DSCAM: variants seen among roughly 807,000 people sequenced by gnomAD.
The protein encoded by DSCAM is DS cell adhesion molecule, also known as cell adhesion molecule DSCAM.
Under a neutral mutation model 217.7 loss-of-function variants are expected in DSCAM, and 47 were observed. The ratio of observed to expected loss-of-function variants is 0.22; its 90% CI spans 0.17 to 0.28. The LOEUF is 0.28. DSCAM is among the 10% of genes least tolerant of loss of function. The pLI is 1.00. For missense variants in DSCAM, 2,080 were observed against 2,618.3 expected, an observed-to-expected ratio of 0.79 and a Z score of 4.49; for synonymous variants, 1,056 against 1,015.3, an observed-to-expected ratio of 1.04 and a Z score of -0.76.
At chr21:40,820,181 T>C (rs774603297) in intron 1 of DSCAM, among the ~76,000 whole-genome samples, 2 of 152,092 alleles carry the variant, frequency 1.3e-5, no homozygotes, top group Non-Finnish European at 2.9e-5. Flanking sequence ...TACAGCACTA[T>C]ATATAATAGC....
Position 40,016,614 on chromosome 21 carries a change from C to G in DSCAM, c.5687-3228G>C, listed in dbSNP as rs558097209. Among the ~76,000 whole-genome samples, 2 of 152,162 alleles carry G rather than the reference C, an allele frequency of 1.3e-5. No individual in the cohort carries two copies. The highest frequency in any genetic ancestry group is 4.8e-5 in the African/African-American group (2 of 41,434). On this transcript the variant is annotated intron_variant, in intron 32 of 32. Coordinates refer to ENST00000400454, the MANE Select transcript of DSCAM (RefSeq NM_001389.5). This position sits in a 1 kb window ranked among gnomAD's most constrained non-coding sequence, Gnocchi z 4.3. ...GCTAACAATAATTAATTGAGCCTTC[C>G]TCATCCAGCCCCTTTGGACCCATAG...
chr21:40,526,154 C>T (rs753201827), intron 3 of DSCAM, among the ~76,000 whole-genome samples: 15 of 152,204 alleles, frequency 9.9e-5, no homozygotes, highest in South Asian at 6.2e-4. Context: ...GGGAGCCCAG[C>T]GTCAGAGGCT....
At chr21:40,715,831 A>G (rs760455195) in intron 1 of DSCAM, among the ~76,000 whole-genome samples, 16 of 152,074 alleles carry the variant, frequency 1.1e-4, no homozygotes, top group Non-Finnish European at 2.1e-4. Flanking sequence ...TTTTCTATCA[A>G]CCCGACTGTG....
intron 3 of DSCAM, among the ~76,000 whole-genome samples, chr21:40,666,447 C>A (rs76853751): frequency 0.014 from 2,177 of 152,198 alleles, 36 homozygotes; most frequent in South Asian, 0.052. Flanking sequence ...CCAGGTGGTC[C>A]CATTGCTGAT....
chr21:40,033,996 A>C (rs1173984957), intron 32 of DSCAM, among the ~76,000 whole-genome samples: 1 of 100,068 alleles, frequency 1.0e-5, no homozygotes, highest in African/African-American at 4.1e-5. Flanking sequence ...ACTAACAAAC[A>C]GAAAGGACAT....
intron 1 of DSCAM, among the ~76,000 whole-genome samples, chr21:40,814,603 T>C (rs1452519398): frequency 6.6e-6 from 1 of 152,182 alleles, no homozygotes; most frequent in Non-Finnish European, 1.5e-5. Context: ...CATTGACAAA[T>C]ACATAGATCA....
rs568004390 is a variant in DSCAM, at chr21:40,628,231, A to G, written c.508+64579T>C. Among the ~76,000 whole-genome samples the G allele has an allele frequency of 4.5e-4, 68 of 152,322 alleles. 2 individuals are homozygous for G. Among genetic ancestry groups the G allele is most frequent in the African/African-American group, 1.6e-3 (65 of 41,566 alleles). On this transcript the variant is annotated intron_variant, in intron 3 of 32. Transcript: ENST00000400454. ...GCAGAGTAGCATTATTAGAGAAGAA[A>G]TGAATCCTAACAGTTGGGATCATGA...
chr21:40,252,978 G>A (rs191514637), intron 11 of DSCAM, among the ~76,000 whole-genome samples: 1 of 152,220 alleles, frequency 6.6e-6, no homozygotes. Context: ...GGTTGGGAGT[G>A]CCTGTAAAGT....
intron 3 of DSCAM, among the ~76,000 whole-genome samples, chr21:40,449,666 T>G (rs1334257861): frequency 6.6e-6 from 1 of 152,188 alleles, no homozygotes. Context: ...CCTGTGTTCT[T>G]CTGGTGGCAG....
chr21:40,330,323 TTATTA>T (rs1332128344), intron 8 of DSCAM, among the ~76,000 whole-genome samples: 26 of 145,380 alleles, frequency 1.8e-4, no homozygotes, highest in Admixed American at 8.2e-4. Context: ...AATTATATAT[TTATTA>T]TATTATATGC....
chr21:40,077,600 AATGCTG>A lies in DSCAM; in HGVS notation c.4711+1081_4711+1086del, dbSNP rs59340977. On this transcript the variant is annotated intron_variant, in intron 26 of 32. Transcript: ENST00000400454. ...AGAAAGAATCACTCTCCTAGAGAGC[AATGCTG>A]ATGCTTTTCATGGGCTGCCTCTGTC... 3.3e-3 allele frequency among the ~76,000 whole-genome samples: 510 copies of A among 152,290 alleles called. 1 individual carries two copies. The highest frequency in any genetic ancestry group is 0.011 in the African/African-American group (478 of 41,576).
intron 11 of DSCAM, among the ~76,000 whole-genome samples, chr21:40,236,082 A>T (rs1468695957): frequency 3.3e-5 from 5 of 152,198 alleles, no homozygotes; most frequent in African/African-American, 1.2e-4. Flanking sequence ...ACACTTAAAT[A>T]TATAAACTTG....
chr21:40,601,626 G>A (rs1346243194), intron 3 of DSCAM, among the ~76,000 whole-genome samples: 1 of 152,134 alleles, frequency 6.6e-6, no homozygotes, highest in Non-Finnish European at 1.5e-5. Flanking sequence ...TCATTATTAA[G>A]TATGATGTCT....
intron 3 of DSCAM, among the ~76,000 whole-genome samples, chr21:40,522,046 T>A (rs1269863915): frequency 6.6e-6 from 1 of 152,144 alleles, no homozygotes; most frequent in Admixed American, 6.5e-5. Flanking sequence ...CGCCACTCCC[T>A]CCCCGAGAAA....
intron 15 of DSCAM, among the ~76,000 whole-genome samples, chr21:40,170,649 A>G (rs946012065): frequency 6.6e-6 from 1 of 152,208 alleles, no homozygotes; most frequent in African/African-American, 2.4e-5. Context: ...ATTCAATAAA[A>G]ACTCATGGAA....
chr21:40,419,916 C>T (rs1032531229), intron 3 of DSCAM, among the ~76,000 whole-genome samples: 2 of 152,006 alleles, frequency 1.3e-5, no homozygotes, highest in African/African-American at 4.8e-5. Flanking sequence ...TTGGCTTTTA[C>T]ACCTATAAAA....
intron 3 of DSCAM, among the ~76,000 whole-genome samples, chr21:40,468,842 TA>T (rs936902356): frequency 2.0e-5 from 3 of 151,530 alleles, no homozygotes; most frequent in Non-Finnish European, 4.4e-5. Flanking sequence ...AATAAAGATT[TA>T]AAAAAAAATT....
In DSCAM at chr21:40,347,552, G is replaced by A. The variant is rs1352452318; in HGVS notation, c.1210+118C>T. 5 of 1,362,702 alleles carry A rather than the reference G, an allele frequency of 3.7e-6. No individual in the cohort carries two copies. The East Asian group carries it at 1.2e-4, about 32-fold the overall frequency. The allele number at this position is 1,362,702 out of a possible 1,614,324, so 84.4% of individuals were successfully genotyped here. On this transcript the variant is annotated intron_variant, in intron 6 of 32. Transcript: ENST00000400454. ...GAAAAATTAGGGTAGAGTACTAGCT[G>A]GTGAGACAGAGAGCCTAGAACTGAG... is the stretch of plus-strand genomic sequence containing the variant.
At chr21:40,544,326 C>T (rs572522409) in intron 3 of DSCAM, among the ~76,000 whole-genome samples, 12 of 152,200 alleles carry the variant, frequency 7.9e-5, no homozygotes, top group South Asian at 4.2e-4. Flanking sequence ...CTAAGTTGAG[C>T]GGTGTCACCC....
Sources: gnomAD v4.1 joint callset for allele counts (sites outside exome capture counted in the v4.1 genomes callset) on GRCh38, gnomAD v4.1.1 for gene constraint, Gnocchi (gnomAD v3.1) non-coding constraint, MANE v1.5 for transcripts, NCBI Gene and HGNC (gene_info 2026-07-23, HGNC 2026-07-21) for gene names.